The following POLR1B variants were observed in gnomAD, a reference collection of about 807,000 sequenced individuals.
POLR1B encodes the protein DNA-directed RNA polymerase I subunit RPA2.
Under a neutral mutation model 105.8 loss-of-function variants are expected in POLR1B, and 30 were observed. The ratio of observed to expected loss-of-function variants is 0.28; its 90% confidence interval spans 0.21 to 0.38. The LOEUF is 0.38. Among genes scored for constraint, POLR1B ranks in the 10% least tolerant of loss-of-function variants. POLR1B has a pLI of 1.00. For missense variants in POLR1B, 976 were observed against 1,435.8 expected, an observed-to-expected ratio of 0.68 and a Z score of 5.17; for synonymous variants, 485 against 505.1, an observed-to-expected ratio of 0.96 and a Z score of 0.53.
In POLR1B at chr2:112,577,788, T is replaced by C. The variant is rs1473160888; in HGVS notation, c.*2059T>C. On this transcript the variant is annotated 3_prime_UTR_variant, in exon 15 of 15. Coordinates refer to ENST00000263331, the MANE Select transcript of POLR1B (RefSeq NM_019014.6). ...AGGTCCAGGCAGTGAGCCAAGATTG[T>C]GCCACCACACTCCAGCCTGGGCGAC... is the stretch of plus-strand genomic sequence containing the variant. Among the ~76,000 whole-genome samples, 1 of 141,070 alleles carries C rather than the reference T, an allele frequency of 7.1e-6. No individual in the cohort carries two copies. The highest frequency in any genetic ancestry group is 3.4e-3 in the Middle Eastern group (1 of 292). 92.5% of individuals were successfully genotyped at this position (141,070 alleles called of 152,430 possible). A position where few individuals can be genotyped will look rare whatever the true frequency, so the allele number is the denominator to read the frequency against.
rs868750132 is a variant in POLR1B, at chr2:112,552,710, G to T, written c.1052G>T (p.Arg351Leu). The T allele has an allele frequency of 6.2e-7, 1 of 1,612,242 alleles. No homozygotes were observed. The highest frequency in any genetic ancestry group is 8.5e-7 in the Non-Finnish European group (1 of 1,179,246). Residue 351 changes from arginine (R) to leucine (L), a missense_variant, in exon 7 of 15, where the codon CGA becomes CTA. Arg to Leu is a moderately radical substitution (Grantham distance 102). Coordinates refer to ENST00000263331, the MANE Select transcript of POLR1B (RefSeq NM_019014.6). ...TTTTATATGCTTTGTCTCATGACGC[G>T]AAAGCTCTTTGCTTTAGCCAAAGGA... ...EKFYMLCLMT[R>L]KLFALAKGEC...
At position 112,575,758 on chromosome 2, in the gene POLR1B, A is replaced by G. The variant is rs184092209; in HGVS notation, c.*29A>G. The G allele has an allele frequency of 1.3e-6, 2 of 1,583,442 alleles. No individual in the cohort carries two copies. Among genetic ancestry groups the G allele is most frequent in the Non-Finnish European group, 1.7e-6 (2 of 1,165,810 alleles). On this transcript the variant is annotated 3_prime_UTR_variant, in exon 15 of 15. Coordinates refer to ENST00000263331, the MANE Select transcript of POLR1B (RefSeq NM_019014.6). This position sits in a 1 kb window ranked among gnomAD's most constrained non-coding sequence, Gnocchi z 5.3. Reference sequence around the variant, plus strand: ...GATGTTGACCTTTTGGATTAAGAGGACTATCAGATTAAAGCAAAATGTAAT... The same window carrying G: ...GATGTTGACCTTTTGGATTAAGAGGGCTATCAGATTAAAGCAAAATGTAAT...
At chr2:112,572,187 G>A (rs756004091) in intron 12 of POLR1B, among the ~76,000 whole-genome samples, 10 of 152,078 alleles carry the variant, frequency 6.6e-5, no homozygotes, top group South Asian at 2.1e-4. Context: ...TTTCTTCCCC[G>A]AGTAGTGATA....
Position 112,547,465 on chromosome 2 carries a change from T to G in POLR1B, c.390T>G (p.Ile130Met). ...WAVNGISKGI[I>M]KQFLGYVPIM... ...TGAATGGAATCTCAAAAGGAATCAT[T>G]AAGCAGTTTCTTGGCTATGTTCCCA... The change falls in exon 3 of 15, where the codon ATT (isoleucine) becomes ATG (methionine). Residue 130 changes from isoleucine to methionine, a missense_variant. Ile to Met is a conservative substitution (Grantham distance 10, BLOSUM62 1). This residue lies in a region of POLR1B where 452 missense variants were observed against 616.5 expected (regional missense o/e 0.73). Coordinates refer to ENST00000263331, the MANE Select transcript of POLR1B (RefSeq NM_019014.6). The G allele has an allele frequency of 6.2e-7, 1 of 1,614,176 alleles. No individual in the cohort carries two copies. The highest frequency in any genetic ancestry group is 8.5e-7 in the Non-Finnish European group (1 of 1,179,980).
At chr2:112,545,784 C>T (rs562598755) in intron 1 of POLR1B, 8 of 351,756 alleles carry the variant, frequency 2.3e-5, no homozygotes, top group South Asian at 1.1e-4. Context: ...GGACCACAGG[C>T]GTGCACCACT....
At chr2:112,549,981 C>G (rs1239403466) in intron 4 of POLR1B, among the ~76,000 whole-genome samples, 1 of 152,124 alleles carries the variant, frequency 6.6e-6, no homozygotes, top group Non-Finnish European at 1.5e-5. Flanking sequence ...TGATTTTTAT[C>G]AATCATAAGC....
chr2:112,558,027 C>T lies in POLR1B; in HGVS notation c.1276C>T (p.Leu426Phe). ...GAGGATTTTTACAATGGGCATAGAC[C>T]TTACAAAACCATTTGAATACCTTTT... ...LMRIFTMGID[L>F]TKPFEYLFAT... The change falls in exon 8 of 15, where the codon CTT becomes TTT. Residue 426 changes from leucine (L) to phenylalanine (F), a missense_variant. Physicochemically the swap from Leu to Phe is conservative, Grantham distance 22. Around this residue, in one of 12 missense-constraint regions of POLR1B, gnomAD observed 452 missense variants for 616.5 expected, o/e 0.73. Transcript: ENST00000263331. The T allele has an allele frequency of 7.3e-7, 1 of 1,372,564 alleles. No individual in the cohort carries two copies. Among genetic ancestry groups the T allele is most frequent in the Non-Finnish European group, 9.5e-7 (1 of 1,049,876 alleles). The allele number at this position is 1,372,564 out of a possible 1,614,324, so 85.0% of individuals were successfully genotyped here. A position where few individuals can be genotyped will look rare whatever the true frequency, so the allele number is the denominator to read the frequency against.
Position 112,578,643 on chromosome 2 carries a change from G to C in POLR1B, c.*2914G>C, listed in dbSNP as rs1574145511. Among the ~76,000 whole-genome samples the C allele has an allele frequency of 6.6e-6, 1 of 152,178 alleles. No individual in the cohort carries two copies. Among genetic ancestry groups the C allele is most frequent in the Non-Finnish European group, 1.5e-5 (1 of 68,014 alleles). On this transcript the variant is annotated 3_prime_UTR_variant, in exon 15 of 15. Coordinates refer to ENST00000263331, the MANE Select transcript of POLR1B (RefSeq NM_019014.6). ...CAATAAAGCTGATCTGAACAATCAG[G>C]TATAATAGTCCCCCTTTATCTTTGA...
upstream of POLR1B, chr2:112,542,219 G>T: frequency 1.3e-6 from 2 of 1,535,666 alleles, no homozygotes; most frequent in Non-Finnish European, 1.7e-6. Flanking sequence ...CATCTTTCGC[G>T]AGCGGGGAGA....
At chr2:112,555,969 C>A (rs1434064695) in intron 7 of POLR1B, among the ~76,000 whole-genome samples, 1 of 152,058 alleles carries the variant, frequency 6.6e-6, no homozygotes, top group African/African-American at 2.4e-5. Flanking sequence ...CCATAAAACA[C>A]TTCAGTTAGC....
chr2:112,562,728 C>CTTTTTTTTTT (rs70965010), intron 9 of POLR1B, among the ~76,000 whole-genome samples: 20 of 120,634 alleles, frequency 1.7e-4, no homozygotes, highest in African/African-American at 2.0e-4. Flanking sequence ...TCTTTTTTTT[C>CTTTTTTTTTT]TTTTTTTTTT....
chr2:112,544,790 A>G (rs1242649928), intron 1 of POLR1B, among the ~76,000 whole-genome samples: 1 of 152,208 alleles, frequency 6.6e-6, no homozygotes, highest in African/African-American at 2.4e-5. Flanking sequence ...ACAAAACATA[A>G]TTTTGCCAAG....
chr2:112,562,878 A>G (rs1366731173), intron 9 of POLR1B, among the ~76,000 whole-genome samples: 1 of 150,868 alleles, frequency 6.6e-6, no homozygotes, highest in Non-Finnish European at 1.5e-5. Flanking sequence ...GGCATGCACC[A>G]TCATGCCCGG....
chr2:112,542,347 C>T (rs773024198), upstream of POLR1B: 45 of 1,558,172 alleles, frequency 2.9e-5, no homozygotes, highest in Non-Finnish European at 3.7e-5. Context: ...AAACCGAAAC[C>T]GCAGGGCCTA....
In POLR1B at chr2:112,557,947, C is replaced by T. The variant is rs776801153; in HGVS notation, c.1196C>T (p.Ala399Val). Reference protein sequence around the residue: ...LEGWLVSIKIAFDKKAQKTSV... With the variant: ...LEGWLVSIKIVFDKKAQKTSV... Reference sequence around the variant, plus strand: ...GGTTGGTTAGTGTCTATTAAAATAGCTTTTGATAAGAAGGCTCAGAAGACC... The same window carrying T: ...GGTTGGTTAGTGTCTATTAAAATAGTTTTTGATAAGAAGGCTCAGAAGACC... Residue 399 changes from alanine to valine, a missense_variant, in exon 8 of 15, where the codon GCT becomes GTT. This residue lies in a region of POLR1B where 452 missense variants were observed against 616.5 expected (regional missense o/e 0.73). Coordinates refer to ENST00000263331, the MANE Select transcript of POLR1B (RefSeq NM_019014.6). 5 of 1,388,808 alleles carry T rather than the reference C, an allele frequency of 3.6e-6. No homozygotes were observed. In the East Asian group the frequency reaches 8.0e-5, roughly 22 times the overall value. 86.0% of individuals were successfully genotyped at this position (1,388,808 alleles called of 1,614,324 possible). A position where few individuals can be genotyped will look rare whatever the true frequency, so the allele number is the denominator to read the frequency against.
chr2:112,572,375 C>G (rs1684639261), intron 12 of POLR1B, among the ~76,000 whole-genome samples, 187 bp from the exon 13 acceptor site: 1 of 152,162 alleles, frequency 6.6e-6, no homozygotes, highest in Non-Finnish European at 1.5e-5. Flanking sequence ...GGTCTGGTCA[C>G]GTTGATACAT....
chr2:112,575,060 T>C lies in POLR1B; in HGVS notation c.2739T>C (p.Ile913=). The change falls in exon 15 of 15, where the codon ATT becomes ATC. Residue 913 remains isoleucine, a synonymous_variant. Coordinates refer to ENST00000263331, the MANE Select transcript of POLR1B (RefSeq NM_019014.6). The surrounding 1 kb of genome is among the most constrained non-coding windows in gnomAD (Gnocchi z 5.3). ...PFTESGMVPD[I]LFNPHGFPSR... ...CTGAGAGTGGGATGGTCCCAGACAT[T>C]CTGTTCAATCCCCATGGTTTTCCAT... The C allele has an allele frequency of 2.5e-6, 4 of 1,614,212 alleles. No homozygotes were observed. In the South Asian group the frequency reaches 4.4e-5, roughly 18 times the overall value.
At chr2:112,562,060 G>A (rs1415279101) in intron 9 of POLR1B, among the ~76,000 whole-genome samples, 2 of 152,108 alleles carry the variant, frequency 1.3e-5, no homozygotes, top group Admixed American at 6.5e-5. Flanking sequence ...AACAGACTGG[G>A]CAAGGGGCAC....
chr2:112,575,177 C>T lies in POLR1B; in HGVS notation c.2856C>T (p.Phe952=), dbSNP rs1558667807. Residue 952 remains phenylalanine, a synonymous_variant, in exon 15 of 15, where the codon TTC becomes TTT. Coordinates refer to ENST00000263331, the MANE Select transcript of POLR1B (RefSeq NM_019014.6). The surrounding 1 kb of genome is among the most constrained non-coding windows in gnomAD (Gnocchi z 5.3). ...GCCATGATGCTACACCCTTCATCTT[C>T]TCAGAGGAGAACTCGGCCTTAGAAT... is the stretch of plus-strand genomic sequence containing the variant. ...GLCHDATPFI[F]SEENSALEYF... The T allele has an allele frequency of 2.5e-6, 4 of 1,614,116 alleles. No individual in the cohort carries two copies. Among genetic ancestry groups the T allele is most frequent in the Non-Finnish European group, 3.4e-6 (4 of 1,180,026 alleles).
Sources: allele counts gnomAD v4.1 joint callset (sites outside exome capture counted in the v4.1 genomes callset), GRCh38; gene constraint gnomAD v4.1.1; regional missense constraint gnomAD v4.1.1; non-coding constraint Gnocchi (gnomAD v3.1); transcripts MANE v1.5; gene names NCBI Gene and HGNC (gene_info 2026-07-23, HGNC 2026-07-21).